SH2D6: variants seen among roughly 807,000 people sequenced by gnomAD.
The protein encoded by SH2D6 is SH2 domain containing 6, also known as SH2 domain-containing protein 6.
SH2D6 carries 31 observed loss-of-function variants against 30.2 expected under a neutral mutation model. The ratio of observed to expected loss-of-function variants is 1.03; its 90% CI spans 0.77 to 1.38. The LOEUF (loss-of-function observed/expected upper bound fraction) is 1.38, where lower values mean the gene tolerates loss of function less well. Ranked by LOEUF, SH2D6 falls within the 40% of genes most tolerant of loss-of-function variation. The probability of loss-of-function intolerance (pLI) is 0.00; values close to 1 mark genes in which losing one functional copy is unlikely to be tolerated. For synonymous variants in SH2D6, 93 were observed against 104.6 expected, an observed-to-expected ratio of 0.89 and a Z score of 0.68; for missense variants, 240 against 266.8, an observed-to-expected ratio of 0.90 and a Z score of 0.70.
intron 17 of SH2D6, 43 bp downstream of exon 17, chr2:85,434,154 G>C (rs779913086): frequency 6.5e-7 from 1 of 1,538,354 alleles, no homozygotes; most frequent in Non-Finnish European, 8.8e-7. Flanking sequence ...ATGTATGTGA[G>C]ACACAGAGAG....
intron 5 of SH2D6, among the ~76,000 whole-genome samples, chr2:85,424,629 A>G (rs769994279): frequency 6.6e-6 from 1 of 152,110 alleles, no homozygotes; most frequent in Non-Finnish European, 1.5e-5. Flanking sequence ...GTGTGAGCAT[A>G]TAGTCCTAGC....
chr2:85,435,248 C>A, intron 20 of SH2D6, 125 bp downstream of exon 20: 2 of 1,243,948 alleles, frequency 1.6e-6, no homozygotes, highest in Non-Finnish European at 2.3e-6. Flanking sequence ...CACACGTGTG[C>A]GGCACCCCGC....
Position 85,429,430 on chromosome 2 carries a change from T to G in SH2D6, c.-36T>G, listed in dbSNP as rs1688349730. 1 of 152,368 alleles carries G rather than the reference T, an allele frequency of 6.6e-6. No homozygotes were observed. The highest frequency in any genetic ancestry group is 2.4e-5 in the African/African-American group (1 of 41,438). 9.4% of individuals were successfully genotyped at this position (152,368 alleles called of 1,614,324 possible). The stretch of plus-strand genomic sequence containing the variant: ...TCCCCAGGCCATTTGTGGCAGATCC[T>G]GGGCTCCAGGGAGGCAAAGCTCCTC... On this transcript the variant is annotated 5_prime_UTR_variant, in exon 8 of 24. Coordinates refer to ENST00000469800, the MANE Select transcript of SH2D6 (RefSeq NM_001394463.1).
At chr2:85,436,260 G>A (rs914418598) in intron 22 of SH2D6, among the ~76,000 whole-genome samples, 1 of 152,238 alleles carries the variant, frequency 6.6e-6, no homozygotes, top group Admixed American at 6.5e-5. Flanking sequence ...CTGGCCAGTG[G>A]CGTGCCCATG....
In SH2D6 at chr2:85,428,642, C is replaced by T. The variant is rs1210694477; in HGVS notation, c.-150C>T. ...CCGTTTACAAGCCAAGAAGAGAGGCCGCATCACAAACCAACCTTTATGGCA... is the reference window on the plus strand; with the variant it reads ...CCGTTTACAAGCCAAGAAGAGAGGCTGCATCACAAACCAACCTTTATGGCA... On this transcript the variant is annotated 5_prime_UTR_variant, in exon 7 of 24. Coordinates refer to ENST00000469800, the MANE Select transcript of SH2D6 (RefSeq NM_001394463.1). 5.9e-5 allele frequency: 9 copies of T among 152,094 alleles called. No individual in the cohort carries two copies. Among genetic ancestry groups the T allele is most frequent in the Admixed American group, 3.3e-4 (5 of 15,266 alleles). 9.4% of individuals were successfully genotyped at this position (152,094 alleles called of 1,614,324 possible). A position where few individuals can be genotyped will look rare whatever the true frequency, so the allele number is the denominator to read the frequency against.
chr2:85,433,468 T>C (rs1689003900), intron 15 of SH2D6, 103 bp from the exon 16 acceptor site: 1 of 460,196 alleles, frequency 2.2e-6, no homozygotes, highest in African/African-American at 2.1e-5. Context: ...GTGAGGTGCC[T>C]GCCACCCCTT....
At chr2:85,420,390 G>T (rs1687705666) in intron 2 of SH2D6, among the ~76,000 whole-genome samples, 2 of 152,172 alleles carry the variant, frequency 1.3e-5, no homozygotes, top group Non-Finnish European at 2.9e-5. Context: ...AAAGTGCCGG[G>T]ATTACAGGCA....
chr2:85,432,389 T>TTTTTG (rs1323545085), intron 14 of SH2D6, among the ~76,000 whole-genome samples: 2 of 130,600 alleles, frequency 1.5e-5, no homozygotes, highest in Admixed American at 7.1e-5. Flanking sequence ...TTATTTATTT[T>TTTTTG]TTTTGTTTTG....
In SH2D6 at chr2:85,430,187, G is replaced by C. The variant is rs1688450042; in HGVS notation, c.64+172G>C. 1 of 152,840 alleles carries C rather than the reference G, an allele frequency of 6.5e-6. No homozygotes were observed. Among genetic ancestry groups the C allele is most frequent in the Non-Finnish European group, 1.5e-5 (1 of 68,320 alleles). The allele number at this position is 152,840 out of a possible 1,614,324, so 9.5% of individuals were successfully genotyped here. A position where few individuals can be genotyped will look rare whatever the true frequency, so the allele number is the denominator to read the frequency against. On this transcript the variant is annotated intron_variant, in intron 10 of 23. Transcript: ENST00000469800. This position sits in a 1 kb window ranked among gnomAD's most constrained non-coding sequence, Gnocchi z 4.3. Reference sequence around the variant, plus strand: ...AGAGTCAAGGGTGCAGGGGACAGGGGATGGGCATAGGTGGAAGGGCCCCTT... The same window carrying C: ...AGAGTCAAGGGTGCAGGGGACAGGGCATGGGCATAGGTGGAAGGGCCCCTT...
intron 6 of SH2D6, among the ~76,000 whole-genome samples, chr2:85,425,874 A>T (rs1318305251): frequency 6.6e-6 from 1 of 152,162 alleles, no homozygotes; most frequent in African/African-American, 2.4e-5. Context: ...TTGGTGCCTG[A>T]TGCAGGTTCA....
chr2:85,423,677 C>T (rs892829889), intron 5 of SH2D6, among the ~76,000 whole-genome samples: 1 of 152,242 alleles, frequency 6.6e-6, no homozygotes, highest in African/African-American at 2.4e-5. Flanking sequence ...ATCTGTCCCT[C>T]GCTCTGTCAG....
intron 19 of SH2D6, 137 bp downstream of exon 19, chr2:85,434,634 AAC>A: frequency 7.6e-7 from 1 of 1,314,084 alleles, no homozygotes. Context: ...AAAAAAAAAA[AAC>A]TAGGTGAATG....
At chr2:85,427,642 C>T (rs774723972) in intron 6 of SH2D6, among the ~76,000 whole-genome samples, 4 of 152,242 alleles carry the variant, frequency 2.6e-5, no homozygotes, top group East Asian at 1.9e-4. Flanking sequence ...TGATTCCAAA[C>T]GAGGTCCCCT....
intron 5 of SH2D6, among the ~76,000 whole-genome samples, chr2:85,424,148 T>G (rs1488086892): frequency 6.6e-6 from 1 of 152,246 alleles, no homozygotes; most frequent in Non-Finnish European, 1.5e-5. Context: ...CAGAAAGTTC[T>G]TTCCTTTCTA....
intron 6 of SH2D6, among the ~76,000 whole-genome samples, chr2:85,426,428 C>T (rs1688057943): frequency 6.6e-6 from 1 of 152,188 alleles, no homozygotes; most frequent in African/African-American, 2.4e-5. Context: ...GTCCTCCTTT[C>T]ACCCGCCTAA....
chr2:85,424,754 G>C (rs1238600091), intron 5 of SH2D6, among the ~76,000 whole-genome samples: 1 of 151,850 alleles, frequency 6.6e-6, no homozygotes, highest in Non-Finnish European at 1.5e-5. Flanking sequence ...GGGTGACAGG[G>C]TGAGACCCTG....
chr2:85,434,401 G>C (rs1277944080), intron 18 of SH2D6, 31 bp downstream of exon 18: 2 of 1,550,600 alleles, frequency 1.3e-6, no homozygotes. Context: ...GGAGAAGAGA[G>C]GGAGGCAGGG....
At chr2:85,432,549 C>G (rs1463302030) in intron 14 of SH2D6, among the ~76,000 whole-genome samples, 3 of 151,820 alleles carry the variant, frequency 2.0e-5, no homozygotes, top group Admixed American at 6.6e-5. Flanking sequence ...TACAGGCGCC[C>G]GCTACCACGC....
At chr2:85,419,359 T>A (rs1687662958) in intron 2 of SH2D6, 115 bp downstream of exon 2, 1 of 152,316 alleles carries the variant, frequency 6.6e-6, no homozygotes, top group Non-Finnish European at 1.5e-5. Context: ...TTGTCCTAAC[T>A]TCCCAGGTTG....
Sources: allele counts gnomAD v4.1 joint callset (sites outside exome capture counted in the v4.1 genomes callset), GRCh38; gene constraint gnomAD v4.1.1; non-coding constraint Gnocchi (gnomAD v3.1); transcripts MANE v1.5; gene names NCBI Gene and HGNC (gene_info 2026-07-23, HGNC 2026-07-21).